The following PLXNA4 variants were observed in gnomAD, a reference collection of about 807,000 sequenced individuals.
PLXNA4 encodes plexin A4.
In PLXNA4, 44 loss-of-function variants were observed where a neutral mutation model predicts 191.8. That is an observed-to-expected ratio of 0.23 (90% confidence interval 0.18 to 0.29). PLXNA4 has a LOEUF of 0.29. PLXNA4 is among the 10% of genes least tolerant of loss of function. The pLI, the probability that PLXNA4 is intolerant of heterozygous loss-of-function variation, is 1.00. For synonymous variants in PLXNA4, 1,082 were observed against 1,009.5 expected (o/e 1.07, Z -1.36); for missense variants, 1,800 against 2,488.8 (o/e 0.72, Z 5.89).
chr7:132,541,117 C>G (rs1212085184), intron 1 of PLXNA4, among the ~76,000 whole-genome samples: 1 of 152,166 alleles, frequency 6.6e-6, no homozygotes, highest in Non-Finnish European at 1.5e-5. Context: ...CAGCAGCACA[C>G]AAAAGCATGC....
Position 132,197,072 on chromosome 7 carries a change from C to T in PLXNA4, c.2738+1413G>A, listed in dbSNP as rs1162268137. ...TTTTAAGGTTTTATGTACTCAAATC[C>T]CCTAATCTTTTTCTTTATAATTTCC... On this transcript the variant is annotated intron_variant, in intron 13 of 31. Transcript: ENST00000321063. Among the ~76,000 whole-genome samples the T allele has an allele frequency of 2.6e-5, 4 of 152,008 alleles. No individual in the cohort carries two copies. In the East Asian group the frequency reaches 7.7e-4, roughly 29 times the overall value.
chr7:132,441,023 C>T (rs1795679993), intron 3 of PLXNA4, among the ~76,000 whole-genome samples: 1 of 152,142 alleles, frequency 6.6e-6, no homozygotes, highest in African/African-American at 2.4e-5. Flanking sequence ...TTATTATTTC[C>T]ATTTTACATA....
At chr7:132,141,957 T>C (rs1470902816) in intron 29 of PLXNA4, among the ~76,000 whole-genome samples, 1 of 152,204 alleles carries the variant, frequency 6.6e-6, no homozygotes, top group Non-Finnish European at 1.5e-5. Flanking sequence ...CTTGAACTCC[T>C]GATCTCAGTT....
chr7:132,241,213 C>T, intron 4 of PLXNA4, 47 bp from the exon 5 acceptor site: 1 of 1,354,690 alleles, frequency 7.4e-7, no homozygotes, highest in East Asian at 2.3e-5. Flanking sequence ...TTGCAGAACA[C>T]CCAGCAGTGT....
Position 132,198,473 on chromosome 7 carries a change from A to C in PLXNA4, c.2738+12T>G, listed in dbSNP as rs1222030640. The C allele has an allele frequency of 6.2e-7, 1 of 1,613,004 alleles. No homozygotes were observed. Among genetic ancestry groups the C allele is most frequent in the East Asian group, 2.2e-5 (1 of 44,862 alleles). ...CCCCTGTTCCTCCTGTGTTGCATGC[A>C]GCTTCACTTACTGTTCTGCAGGGAT... On this transcript the variant is annotated intron_variant, in intron 13 of 31. Coordinates refer to ENST00000321063, the MANE Select transcript of PLXNA4 (RefSeq NM_020911.2).
At chr7:132,595,006 TAGATAGATAGATAGAC>T (rs1179710623) in intron 2 of PLXNA4, among the ~76,000 whole-genome samples, 10 of 32,562 alleles carry the variant, frequency 3.1e-4, no homozygotes, top group African/African-American at 7.2e-4. Flanking sequence ...GATAGATAGA[TAGATAGATAGATAGAC>T]AGACAGACAG....
At chr7:132,154,220 C>T (rs533173838) in intron 25 of PLXNA4, among the ~76,000 whole-genome samples, 5 of 152,208 alleles carry the variant, frequency 3.3e-5, no homozygotes, top group Non-Finnish European at 4.4e-5. Flanking sequence ...TGGCTCTGCA[C>T]GCCTGTCAGC....
intron 3 of PLXNA4, among the ~76,000 whole-genome samples, chr7:132,429,808 T>C (rs1795192192): frequency 6.6e-6 from 1 of 152,202 alleles, no homozygotes. Flanking sequence ...CAAGGCTTGA[T>C]GGTCAGTCTT....
At chr7:132,156,421 G>A (rs79958113) in intron 25 of PLXNA4, among the ~76,000 whole-genome samples, 1,572 of 152,250 alleles carry the variant, frequency 0.01, 20 homozygotes, top group African/African-American at 0.036. Context: ...AGCAAGAGCC[G>A]GGAGGGTTGG....
intron 3 of PLXNA4, among the ~76,000 whole-genome samples, chr7:132,309,428 A>G (rs1801644571): frequency 6.6e-6 from 1 of 152,140 alleles, no homozygotes; most frequent in Admixed American, 6.5e-5. Context: ...GGCCAGAACC[A>G]GGACCGTCAG....
At chr7:132,259,555 A>C (rs1799561984) in intron 4 of PLXNA4, among the ~76,000 whole-genome samples, 1 of 151,574 alleles carries the variant, frequency 6.6e-6, no homozygotes, top group South Asian at 2.1e-4. Context: ...CCTGTGGGAT[A>C]AGGTGTGCAT....
intron 3 of PLXNA4, among the ~76,000 whole-genome samples, chr7:132,353,970 C>T (rs1441787980): frequency 6.6e-6 from 1 of 152,136 alleles, no homozygotes; most frequent in Non-Finnish European, 1.5e-5. Flanking sequence ...GGAGCCTGAG[C>T]CCAGGGTTTT....
At chr7:132,266,830 T>C (rs1197749635) in intron 4 of PLXNA4, among the ~76,000 whole-genome samples, 3 of 152,218 alleles carry the variant, frequency 2.0e-5, no homozygotes, top group African/African-American at 7.2e-5. Context: ...AGTCTGGTCA[T>C]CAAACAGAAC....
chr7:132,223,727 A>T, intron 8 of PLXNA4, 86 bp from the exon 9 acceptor site: 1 of 1,020,016 alleles, frequency 9.8e-7, no homozygotes, highest in South Asian at 1.4e-5. Flanking sequence ...CTAGCAAAAC[A>T]TTTTTAGTAT....
intron 3 of PLXNA4, among the ~76,000 whole-genome samples, chr7:132,482,650 G>C (rs1052514890): frequency 3.9e-5 from 6 of 151,976 alleles, no homozygotes; most frequent in African/African-American, 1.2e-4. Flanking sequence ...TGTGTCTCCT[G>C]GGCCAGGAGA....
At chr7:132,326,346 T>G (rs527393443) in intron 3 of PLXNA4, among the ~76,000 whole-genome samples, 2 of 152,340 alleles carry the variant, frequency 1.3e-5, no homozygotes, top group East Asian at 1.9e-4. Flanking sequence ...AACCTCTTTA[T>G]GTATGTAAAT....
chr7:132,250,640 T>C (rs1799215136), intron 4 of PLXNA4, among the ~76,000 whole-genome samples: 1 of 152,186 alleles, frequency 6.6e-6, no homozygotes, highest in Admixed American at 6.5e-5. Context: ...GCAGATCCTA[T>C]GCATTTGACA....
chr7:132,336,271 T>A (rs1032509450), intron 3 of PLXNA4, among the ~76,000 whole-genome samples: 1 of 152,214 alleles, frequency 6.6e-6, no homozygotes, highest in African/African-American at 2.4e-5. Context: ...CAGTGACTGA[T>A]GGCTTAACTC....
chr7:132,436,304 G>C (rs973903982), intron 3 of PLXNA4, among the ~76,000 whole-genome samples: 1 of 152,220 alleles, frequency 6.6e-6, no homozygotes, highest in African/African-American at 2.4e-5. Flanking sequence ...GGGACAATGG[G>C]TCTGGTTTAT....
Sources: allele counts gnomAD v4.1 joint callset (sites outside exome capture counted in the v4.1 genomes callset), GRCh38; gene constraint gnomAD v4.1.1; transcripts MANE v1.5; gene names NCBI Gene and HGNC (gene_info 2026-07-23, HGNC 2026-07-21).